Variants in NRG1 observed in about 807,000 individuals in gnomAD.
NRG1 encodes pro-neuregulin-1, membrane-bound isoform.
Under a neutral mutation model 63.8 loss-of-function variants are expected in NRG1, and 18 were observed. That is an observed-to-expected ratio of 0.28 (90% confidence interval 0.19 to 0.42). The LOEUF (loss-of-function observed/expected upper bound fraction) is 0.42, where lower values mean the gene tolerates loss of function less well. Among genes scored for constraint, NRG1 ranks in the 10% least tolerant of loss-of-function variants. NRG1 has a pLI of 1.00. For synonymous variants in NRG1, 302 were observed against 301.3 expected (o/e 1.00, Z -0.02); for missense variants, 762 against 814.7 (o/e 0.94, Z 0.79).
intron 5 of NRG1, among the ~76,000 whole-genome samples, chr8:32,698,222 G>A (rs1249282612): frequency 6.6e-6 from 1 of 151,562 alleles, no homozygotes; most frequent in Non-Finnish European, 1.5e-5. Context: ...AAAAATATAT[G>A]AAAAGGTAAC....
At chr8:32,477,108 T>C (rs781097317) in intron 1 of NRG1, among the ~76,000 whole-genome samples, 6 of 152,110 alleles carry the variant, frequency 3.9e-5, no homozygotes, top group South Asian at 4.1e-4. Context: ...AGAAAGCCAA[T>C]TGAGTTAAAT....
intron 1 of NRG1, among the ~76,000 whole-genome samples, chr8:32,059,536 C>A (rs200279866): frequency 6.6e-6 from 1 of 151,982 alleles, no homozygotes; most frequent in South Asian, 2.1e-4. Context: ...TGCATACTCT[C>A]ATATTTGTGT....
At chr8:31,868,147 T>TACACAC (rs1047085862) in intron 1 of NRG1, among the ~76,000 whole-genome samples, 2,349 of 32,462 alleles carry the variant, frequency 0.072, 79 homozygotes, top group African/African-American at 0.17. Context: ...ACATACATCT[T>TACACAC]ACACACACAC....
In NRG1 at chr8:31,662,787, T is replaced by C. The variant is rs76817062; in HGVS notation, c.37+23356T>C. Among the ~76,000 whole-genome samples, 72 of 152,316 alleles carry C rather than the reference T, an allele frequency of 4.7e-4. 1 individual carries two copies. In the East Asian group the frequency reaches 0.013, roughly 27 times the overall value. On this transcript the variant is annotated intron_variant, in intron 1 of 10. Coordinates refer to the NRG1 transcript ENST00000519301. ...TTATGAATGTTCTTAGAGACACTTA[T>C]AGATCTGAGAAATAAAAAACACATA...
intron 1 of NRG1, among the ~76,000 whole-genome samples, chr8:32,417,848 T>C (rs1816144172): frequency 6.6e-6 from 1 of 152,170 alleles, no homozygotes; most frequent in South Asian, 2.1e-4. Context: ...ACTTTTATTA[T>C]TGTAATAGTG....
intron 1 of NRG1, among the ~76,000 whole-genome samples, chr8:32,237,408 T>A (rs1417918706): frequency 6.6e-6 from 1 of 152,152 alleles, no homozygotes; most frequent in African/African-American, 2.4e-5. Context: ...TTTTTTTTTC[T>A]GGGTCCATTT....
At chr8:31,646,040 C>T (rs1235882811) in intron 1 of NRG1, among the ~76,000 whole-genome samples, 4 of 152,160 alleles carry the variant, frequency 2.6e-5, no homozygotes, top group Non-Finnish European at 5.9e-5. Context: ...TGAAATTCAG[C>T]TGTCCGGGTC....
Position 32,517,764 on chromosome 8 carries a change from G to A in NRG1, c.38-78064G>A, listed in dbSNP as rs142034438. Among the ~76,000 whole-genome samples the A allele has an allele frequency of 3.9e-4, 60 of 152,278 alleles. 1 individual carries two copies. The East Asian group carries it at 0.011, about 29-fold the overall frequency. ...TATATGTCATGTATGGGACTGGCCTGTATGGGGTCATTTGAGTGCTAAGAC... is the reference window on the plus strand; with the variant it reads ...TATATGTCATGTATGGGACTGGCCTATATGGGGTCATTTGAGTGCTAAGAC... On this transcript the variant is annotated intron_variant, in intron 1 of 10. Transcript: ENST00000519301.
chr8:31,929,733 A>G (rs1834711059), intron 1 of NRG1, among the ~76,000 whole-genome samples: 1 of 152,122 alleles, frequency 6.6e-6, no homozygotes, highest in Non-Finnish European at 1.5e-5. Context: ...TAACACACTA[A>G]ATTTTTCTTT....
At chr8:32,722,031 A>G in intron 5 of NRG1, 1 of 1,548,400 alleles carries the variant, frequency 6.5e-7, no homozygotes, top group Middle Eastern at 1.7e-4. Flanking sequence ...ATAAGCATTG[A>G]AGATATTACA....
intron 1 of NRG1, among the ~76,000 whole-genome samples, chr8:31,984,365 T>C (rs919131632): frequency 6.6e-6 from 1 of 152,098 alleles, no homozygotes; most frequent in Middle Eastern, 3.2e-3. Context: ...ATCTTAATGA[T>C]TGTGGATTTC....
At chr8:32,584,092 G>A (rs1841190851) in intron 1 of NRG1, among the ~76,000 whole-genome samples, 1 of 152,136 alleles carries the variant, frequency 6.6e-6, no homozygotes, top group Admixed American at 6.6e-5. Flanking sequence ...ATTTCTTTTT[G>A]TGTGTTTTAT....
intron 1 of NRG1, among the ~76,000 whole-genome samples, chr8:32,166,160 T>C (rs1055078139): frequency 1.3e-5 from 2 of 152,170 alleles, no homozygotes; most frequent in Non-Finnish European, 2.9e-5. Context: ...AAAAGGCTGA[T>C]TTTATTCATT....
At chr8:32,238,426 A>G (rs1847790084) in intron 1 of NRG1, among the ~76,000 whole-genome samples, 1 of 151,198 alleles carries the variant, frequency 6.6e-6, no homozygotes, top group Non-Finnish European at 1.5e-5. Context: ...CCTGGACAAT[A>G]GAGACTCTTT....
chr8:32,153,778 A>T (rs908804000), intron 1 of NRG1, among the ~76,000 whole-genome samples: 1 of 152,206 alleles, frequency 6.6e-6, no homozygotes, highest in Non-Finnish European at 1.5e-5. Context: ...GGATGAAGTG[A>T]TAGTATTCTT....
intron 1 of NRG1, among the ~76,000 whole-genome samples, chr8:32,009,807 C>T (rs1814436670): frequency 1.3e-5 from 2 of 152,088 alleles, no homozygotes; most frequent in South Asian, 4.1e-4. Context: ...ATATGCTCTA[C>T]CAATGTCAGA....
intron 1 of NRG1, among the ~76,000 whole-genome samples, chr8:32,003,532 G>A (rs968417260): frequency 1.3e-5 from 2 of 151,790 alleles, no homozygotes; most frequent in African/African-American, 4.8e-5. Flanking sequence ...ATATAGAAAT[G>A]ATAGAAAAAG....
intron 1 of NRG1, among the ~76,000 whole-genome samples, chr8:31,683,795 G>A (rs1217926343): frequency 6.6e-6 from 1 of 152,052 alleles, no homozygotes; most frequent in Non-Finnish European, 1.5e-5. Flanking sequence ...TGTGGGTGGG[G>A]CAGGGGCTAT....
chr8:32,712,547 C>T (rs1223954645), intron 5 of NRG1, among the ~76,000 whole-genome samples: 1 of 152,142 alleles, frequency 6.6e-6, no homozygotes, highest in Non-Finnish European at 1.5e-5. Context: ...AGAAGTGCTA[C>T]ACATAAAAAT....
Sources: gnomAD v4.1 joint callset for allele counts (sites outside exome capture counted in the v4.1 genomes callset) on GRCh38, gnomAD v4.1.1 for gene constraint, MANE v1.5 for transcripts, NCBI Gene and HGNC (gene_info 2026-07-23, HGNC 2026-07-21) for gene names.